Variants in PTBP1 observed in about 807,000 individuals in gnomAD.
PTBP1 encodes the protein polypyrimidine tract binding protein 1, also known as polypyrimidine tract-binding protein 1.
PTBP1 carries 8 observed loss-of-function variants against 59.8 expected under a neutral mutation model. That is an observed-to-expected ratio of 0.13 (90% CI 0.08 to 0.24). The LOEUF (loss-of-function observed/expected upper bound fraction) is 0.24. PTBP1 is among the 10% of genes least tolerant of loss of function. The probability of loss-of-function intolerance (pLI) is 1.00; values close to 1 mark genes in which losing one functional copy is unlikely to be tolerated. For missense variants in PTBP1, 686 were observed against 767.0 expected (o/e 0.89, Z 1.25); for synonymous variants, 490 against 320.7 (o/e 1.53, Z -5.64).
chr19:807,863 C>T lies in PTBP1; in HGVS notation c.1120-6C>T, dbSNP rs935739367. On this transcript the variant is annotated splice_region_variant and splice_polypyrimidine_tract_variant and intron_variant, in intron 10 of 14. Coordinates refer to ENST00000356948, the MANE Select transcript of PTBP1 (RefSeq NM_002819.5). ...CCTCCGCTGCCTTGCTCTGCTGTCT[C>T]TAAAGAGAGTCACACCCCAAAGCCT... 5 of 1,613,558 alleles carry T rather than the reference C, an allele frequency of 3.1e-6. No individual in the cohort carries two copies. The highest frequency in any genetic ancestry group is 3.4e-6 in the Non-Finnish European group (4 of 1,179,544).
chr19:810,653 C>T (rs1412254045), intron 14 of PTBP1, 33 bp downstream of exon 14: 2 of 1,611,974 alleles, frequency 1.2e-6, no homozygotes, highest in Non-Finnish European at 1.7e-6. Flanking sequence ...CTGGCTCTCC[C>T]CAGGCTGCCC....
At position 808,037 on chromosome 19, in the gene PTBP1, C is replaced by A; in HGVS notation, c.1153+135C>A. On this transcript the variant is annotated intron_variant, in intron 11 of 14. Transcript: ENST00000356948. This position sits in a 1 kb window ranked among gnomAD's most constrained non-coding sequence, Gnocchi z 4.7. ...TCCGCCTCGTTTTATGGTTTGCTTT[C>A]GGTTTGCGAATTTTATTTGGTCCCG... 1 of 854,524 alleles carries A rather than the reference C, an allele frequency of 1.2e-6. No individual in the cohort carries two copies. Among genetic ancestry groups the A allele is most frequent in the Non-Finnish European group, 2.0e-6 (1 of 509,594 alleles). 52.9% of individuals were successfully genotyped at this position (854,524 alleles called of 1,614,324 possible). A position where few individuals can be genotyped will look rare whatever the true frequency, so the allele number is the denominator to read the frequency against.
intron 2 of PTBP1, among the ~76,000 whole-genome samples, chr19:799,783 A>G (rs1568262733): frequency 6.6e-6 from 1 of 152,058 alleles, no homozygotes; most frequent in Non-Finnish European, 1.5e-5. Flanking sequence ...GGGAAACCTC[A>G]TGTTGTGGCT....
At chr19:810,467 G>A (rs1363243629) in intron 13 of PTBP1, 76 bp from the exon 14 acceptor site, 1 of 1,300,344 alleles carries the variant, frequency 7.7e-7, no homozygotes, top group Non-Finnish European at 1.1e-6. Context: ...AAACTAGTCT[G>A]GGGAAAGCCT....
chr19:800,466 T>A (rs1164236203), intron 2 of PTBP1, among the ~76,000 whole-genome samples: 5 of 151,752 alleles, frequency 3.3e-5, no homozygotes, highest in Non-Finnish European at 7.4e-5. Context: ...TTAGCTGGGG[T>A]AGTTGGTTAA....
At chr19:798,948 G>A (rs1294248173) in intron 1 of PTBP1, among the ~76,000 whole-genome samples, 1 of 152,244 alleles carries the variant, frequency 6.6e-6, no homozygotes, top group Non-Finnish European at 1.5e-5. Context: ...GCTCCACTCT[G>A]CTGAGAGGCA....
chr19:810,603 A>G lies in PTBP1; in HGVS notation c.1524A>G (p.Lys508=). Residue 508 remains lysine, a synonymous_variant, in exon 14 of 15, where the codon AAA becomes AAG. Transcript: ENST00000356948. ...VLFSSNGGVV[K]GFKFFQKDRK... is the part of the protein sequence containing the mutation. The stretch of plus-strand genomic sequence containing the variant: ...TTTCCAGCAATGGGGGCGTCGTCAA[A>G]GGATTCAAGTTCTTCCAGTGAGTAT... The G allele has an allele frequency of 6.2e-7, 1 of 1,613,808 alleles. No individual in the cohort carries two copies. Among genetic ancestry groups the G allele is most frequent in the African/African-American group, 1.3e-5 (1 of 75,036 alleles).
At position 803,654 on chromosome 19, in the gene PTBP1, C is replaced by T; in HGVS notation, c.115+18C>T. On this transcript the variant is annotated intron_variant, in intron 3 of 14. Coordinates refer to ENST00000356948, the MANE Select transcript of PTBP1 (RefSeq NM_002819.5). ...TTCTGCAGGTAAGGCCGGGACTCGG[C>T]CCAGGGCAAGACCCGTGGGTGTCTT... The T allele has an allele frequency of 1.2e-6, 2 of 1,609,946 alleles. No individual in the cohort carries two copies. The highest frequency in any genetic ancestry group is 1.7e-6 in the Non-Finnish European group (2 of 1,176,352).
In PTBP1 at chr19:797,477, C is replaced by G; in HGVS notation, c.-21C>G. 1.3e-6 allele frequency: 2 copies of G among 1,595,306 alleles called. 1 individual carries two copies. The highest frequency in any genetic ancestry group is 2.2e-5 in the South Asian group (2 of 89,752). On this transcript the variant is annotated 5_prime_UTR_variant, in exon 1 of 15. Transcript: ENST00000356948. ...ATTCCGGCGCCTCCACTCCGTCCCC[C>G]GCGGGTCTGCTCTGTGTGCCATGGA...
Position 806,427 on chromosome 19 carries a change from C to T in PTBP1, c.990C>T (p.Val330=), listed in dbSNP as rs1036646730. The change falls in exon 10 of 15, where the codon GTC becomes GTT. Residue 330 remains valine, a synonymous_variant. Transcript: ENST00000356948. The part of the protein sequence containing the change: ...PQAAGLSVPN[V]HGALAPLAIP... ...TTCCAGGCCTTTCCGTTCCGAACGT[C>T]CACGGCGCCCTGGCCCCCCTGGCCA... 4.4e-6 allele frequency: 7 copies of T among 1,602,728 alleles called. No homozygotes were observed. Among genetic ancestry groups the T allele is most frequent in the Admixed American group, 1.7e-5 (1 of 59,166 alleles).
At chr19:802,458 A>AG (rs375794352) in intron 2 of PTBP1, among the ~76,000 whole-genome samples, 6 of 56,342 alleles carry the variant, frequency 1.1e-4, no homozygotes, top group African/African-American at 3.6e-4. Context: ...GGGTTGTCTG[A>AG]GGGGGGACAG....
Position 810,888 on chromosome 19 carries a change from A to T in PTBP1, c.*62A>T. On this transcript the variant is annotated 3_prime_UTR_variant, in exon 15 of 15. Transcript: ENST00000356948. ...ACTTCCATCATTCCAGAGAAAAGCCACTTTAAAAACAGCTGAAGTGACCTT... is the reference window on the plus strand; with the variant it reads ...ACTTCCATCATTCCAGAGAAAAGCCTCTTTAAAAACAGCTGAAGTGACCTT... 6.9e-7 allele frequency: 1 copy of T among 1,446,152 alleles called. No homozygotes were observed. Among genetic ancestry groups the T allele is most frequent in the Non-Finnish European group, 9.1e-7 (1 of 1,093,318 alleles). 89.6% of individuals were successfully genotyped at this position (1,446,152 alleles called of 1,614,324 possible).
chr19:806,637 G>T (rs1304316694), intron 10 of PTBP1, 81 bp downstream of exon 10: 7 of 1,350,674 alleles, frequency 5.2e-6, no homozygotes, highest in Non-Finnish European at 6.8e-6. Flanking sequence ...GGGTCCCGGA[G>T]CAGCGCCGCC....
Position 805,147 on chromosome 19 carries a change from C to T in PTBP1, c.852C>T (p.Asp284=), listed in dbSNP as rs761997291. Residue 284 remains aspartate (D), a synonymous_variant, in exon 8 of 15, where the codon GAC becomes GAT. Coordinates refer to ENST00000356948, the MANE Select transcript of PTBP1 (RefSeq NM_002819.5). ...DYTRPDLPSG[D]SQPSLDQTMA... is the part of the protein sequence containing the mutation. The stretch of plus-strand genomic sequence containing the variant: ...CACGCCCAGACCTGCCTTCCGGGGA[C>T]AGCCAGCCCTCGCTGGACCAGACCA... 3 of 1,613,742 alleles carry T rather than the reference C, an allele frequency of 1.9e-6. No homozygotes were observed. Among genetic ancestry groups the T allele is most frequent in the South Asian group, 1.1e-5 (1 of 91,090 alleles).
At chr19:805,385 G>A in intron 8 of PTBP1, 107 bp from the exon 9 acceptor site, 1 of 1,267,842 alleles carries the variant, frequency 7.9e-7, no homozygotes, top group South Asian at 1.3e-5. Flanking sequence ...GCCCGCGAAG[G>A]CTCTGCCGGG....
intron 9 of PTBP1, 152 bp from the exon 10 acceptor site, chr19:806,256 A>G (rs351978): frequency 0.61 from 512,043 of 841,578 alleles, 159,205 homozygotes; most frequent in African/African-American, 0.88. Context: ...CGGGGGTCGG[A>G]CGACCCCACA....
chr19:809,477 C>T (rs970178972), intron 13 of PTBP1, among the ~76,000 whole-genome samples: 5 of 151,994 alleles, frequency 3.3e-5, no homozygotes, highest in Admixed American at 6.6e-5. Flanking sequence ...CCCGCCAGCA[C>T]GCCCGGCTAA....
chr19:797,887 T>C (rs1483773966), intron 1 of PTBP1, among the ~76,000 whole-genome samples: 1 of 147,922 alleles, frequency 6.8e-6, no homozygotes. Flanking sequence ...TCCCGTCCGC[T>C]CCCCTCGTGC....
In PTBP1 at chr19:811,931, C is replaced by T. The variant is rs1215668855; in HGVS notation, c.*1105C>T. ...GGAAGGCGGGCGCTCCTCCTGTCTT[C>T]TCTGTGCTCTTTCTACCGCCCCCGC... On this transcript the variant is annotated 3_prime_UTR_variant, in exon 15 of 15. Transcript: ENST00000356948. The T allele has an allele frequency of 1.7e-5, 1 of 57,578 alleles. No individual in the cohort carries two copies. The allele number at this position is 57,578 out of a possible 1,614,324, so 3.6% of individuals were successfully genotyped here.
Sources: allele counts gnomAD v4.1 joint callset (sites outside exome capture counted in the v4.1 genomes callset), GRCh38; gene constraint gnomAD v4.1.1; non-coding constraint Gnocchi (gnomAD v3.1); transcripts MANE v1.5; gene names NCBI Gene and HGNC (gene_info 2026-07-23, HGNC 2026-07-21).